The following CFAP184 variants were observed in gnomAD, a reference collection of about 807,000 sequenced individuals.
CFAP184 encodes cilia- and flagella-associated protein 184.
chr4:7,042,546 C>G, the CFAP184 span: 1 of 1,586,582 alleles, frequency 6.3e-7, no homozygotes, highest in Non-Finnish European at 8.6e-7. Context: ...CCTCTGCCGC[C>G]TGCTCCAGTT....
chr4:7,042,526 A>T, the CFAP184 span: 1 of 1,599,910 alleles, frequency 6.3e-7, no homozygotes, highest in Admixed American at 1.7e-5. Flanking sequence ...CTGGAACCTG[A>T]CTTCCTTCCC....
chr4:7,041,315 C>T, the CFAP184 span: 34 of 1,612,056 alleles, frequency 2.1e-5, no homozygotes, highest in Non-Finnish European at 2.6e-5. Flanking sequence ...TTCTGCCTCA[C>T]GCCTCTGCAG....
At chr4:7,041,795 G>T in the CFAP184 span, 1 of 1,611,862 alleles carries the variant, frequency 6.2e-7, no homozygotes, top group South Asian at 1.1e-5. Context: ...CTCTGCTTCA[G>T]CTGAATGTTC....
At chr4:7,041,814 C>T in the CFAP184 span, 66 of 1,610,662 alleles carry the variant, frequency 4.1e-5, 1 homozygote, top group South Asian at 7.1e-4. Context: ...TCTCCAGCCG[C>T]ACGGCGCTCA....
the CFAP184 span, chr4:7,042,976 G>C: frequency 7.1e-7 from 1 of 1,398,670 alleles, no homozygotes; most frequent in East Asian, 2.7e-5. Flanking sequence ...ACCCCGGCAG[G>C]ACGCTGTTAG....
the CFAP184 span, chr4:7,042,948 G>A: frequency 3.5e-6 from 5 of 1,417,776 alleles, no homozygotes; most frequent in Non-Finnish European, 3.7e-6. Flanking sequence ...TCTCCTCCCG[G>A]CTCGGCCAGC....
the CFAP184 span, chr4:7,042,928 C>T: frequency 2.1e-6 from 3 of 1,461,046 alleles, no homozygotes; most frequent in Non-Finnish European, 2.7e-6. Context: ...GTGCTCAGAG[C>T]TGACGTCCAT....
chr4:7,041,323 C>T, the CFAP184 span: 1 of 1,613,584 alleles, frequency 6.2e-7, no homozygotes, highest in Non-Finnish European at 8.5e-7. Flanking sequence ...CACGCCTCTG[C>T]AGGACAAAGT....
At chr4:7,041,361 T>C in the CFAP184 span, 3 of 1,614,236 alleles carry the variant, frequency 1.9e-6, no homozygotes, top group Non-Finnish European at 2.5e-6. Context: ...GCTTCAGGGA[T>C]TCCAGGCGCC....
the CFAP184 span, chr4:7,042,051 C>T: frequency 6.2e-7 from 1 of 1,611,222 alleles, no homozygotes; most frequent in Non-Finnish European, 8.5e-7. Context: ...CTGCCTGCTG[C>T]TTCTTCAGCT....
chr4:7,042,411 C>G, the CFAP184 span: 1 of 1,612,308 alleles, frequency 6.2e-7, no homozygotes, highest in Non-Finnish European at 8.5e-7. Flanking sequence ...CGCCGTCTCT[C>G]TGCGTCTCCT....
chr4:7,041,577 G>T, the CFAP184 span: 2 of 1,614,102 alleles, frequency 1.2e-6, no homozygotes, highest in Non-Finnish European at 1.7e-6. Flanking sequence ...CGTTCTCCAT[G>T]TCCATGAAGT....
the CFAP184 span, chr4:7,042,216 G>A: frequency 1.3e-6 from 2 of 1,597,814 alleles, no homozygotes; most frequent in Non-Finnish European, 1.7e-6. Flanking sequence ...AGCGCTGGGA[G>A]CGGTTCCGCT....
chr4:7,041,879 C>G, the CFAP184 span: 2 of 1,610,704 alleles, frequency 1.2e-6, no homozygotes, highest in Non-Finnish European at 1.7e-6. Flanking sequence ...TCTCGCAGAG[C>G]AGCCTGGCGC....
chr4:7,042,842 C>A, the CFAP184 span: 1 of 1,575,972 alleles, frequency 6.3e-7, no homozygotes, highest in East Asian at 2.3e-5. Context: ...GTCGGAGGGC[C>A]AGAGCTGGCC....
At chr4:7,042,453 T>C in the CFAP184 span, 2 of 1,611,382 alleles carry the variant, frequency 1.2e-6, no homozygotes, top group Non-Finnish European at 1.7e-6. Context: ...CCACCCGCTC[T>C]GTCTCGGCCT....
chr4:7,042,834 C>G, the CFAP184 span: 4 of 1,574,016 alleles, frequency 2.5e-6, no homozygotes, highest in Non-Finnish European at 3.4e-6. Context: ...CGGGAGAGGT[C>G]GGAGGGCCAG....
At chr4:7,041,346 G>T in the CFAP184 span, 2 of 1,614,218 alleles carry the variant, frequency 1.2e-6, no homozygotes, top group Admixed American at 3.3e-5. Flanking sequence ...GGCTAGCGTG[G>T]TGGCGCTTCA....
the CFAP184 span, chr4:7,042,879 GC>G: frequency 1.9e-6 from 3 of 1,560,354 alleles, no homozygotes; most frequent in Non-Finnish European, 2.6e-6. Flanking sequence ...GCGCGGCCAG[GC>G]TTTCCCCGTC....
Sources: allele counts gnomAD v4.1 joint callset, GRCh38; gene constraint gnomAD v4.1.1; transcripts MANE v1.5; gene names NCBI Gene and HGNC (gene_info 2026-07-23, HGNC 2026-07-21).